The following GRID1 variants were observed in gnomAD, a reference collection of about 807,000 sequenced individuals.
GRID1 encodes glutamate receptor ionotropic, delta-1.
GRID1 carries 28 observed loss-of-function variants against 98.0 expected under a neutral mutation model. That is an observed-to-expected ratio of 0.29 (90% CI 0.21 to 0.39). The LOEUF is 0.39. GRID1 is among the 10% of genes least tolerant of loss of function. The pLI, the probability that GRID1 is intolerant of heterozygous loss-of-function variation, is 1.00. For synonymous variants in GRID1, 553 were observed against 538.5 expected (o/e 1.03, Z -0.37); for missense variants, 1,111 against 1,340.5 (o/e 0.83, Z 2.67).
chr10:86,288,863 C>T (rs1455823506), intron 2 of GRID1, among the ~76,000 whole-genome samples: 1 of 152,228 alleles, frequency 6.6e-6, no homozygotes, highest in Non-Finnish European at 1.5e-5. Flanking sequence ...AGACACCCCA[C>T]ACAAGCATGG....
intron 2 of GRID1, among the ~76,000 whole-genome samples, chr10:86,239,641 A>C (rs1846596274): frequency 6.6e-6 from 1 of 152,208 alleles, no homozygotes; most frequent in African/African-American, 2.4e-5. Flanking sequence ...TGCAATAGTG[A>C]GTGAGTTCTC....
In GRID1 at chr10:85,916,129, T is replaced by C; in HGVS notation, c.780+57A>G. ...AACTGAAAAGAATCACACTGAGCTT[T>C]ACAAGGGGCTAGGGGCTCAGTCCAG... On this transcript the variant is annotated intron_variant, in intron 5 of 15. Transcript: ENST00000327946. The surrounding 1 kb of genome is among the most constrained non-coding windows in gnomAD (Gnocchi z 4.0). 1.6e-6 allele frequency: 2 copies of C among 1,287,074 alleles called. No homozygotes were observed. The highest frequency in any genetic ancestry group is 2.3e-5 in the East Asian group (1 of 43,378). 79.7% of individuals were successfully genotyped at this position (1,287,074 alleles called of 1,614,324 possible). A position where few individuals can be genotyped will look rare whatever the true frequency, so the allele number is the denominator to read the frequency against.
intron 15 of GRID1, among the ~76,000 whole-genome samples, chr10:85,611,531 T>A (rs1842732827): frequency 6.6e-6 from 1 of 152,184 alleles, no homozygotes; most frequent in South Asian, 2.1e-4. Context: ...GGAAACCAGG[T>A]TGAAGACTTA....
intron 8 of GRID1, among the ~76,000 whole-genome samples, chr10:85,772,114 C>G (rs1842275880): frequency 1.3e-5 from 2 of 152,146 alleles, no homozygotes; most frequent in Non-Finnish European, 1.5e-5. Flanking sequence ...GAAATCATAA[C>G]AAACTGTCTC....
intron 12 of GRID1, among the ~76,000 whole-genome samples, chr10:85,694,269 T>C (rs1290752767): frequency 6.6e-6 from 1 of 151,936 alleles, no homozygotes; most frequent in South Asian, 2.1e-4. Context: ...AAATGACAAA[T>C]GTAACATGTT....
chr10:85,668,136 C>T (rs983344393), intron 12 of GRID1, among the ~76,000 whole-genome samples: 2 of 152,238 alleles, frequency 1.3e-5, no homozygotes, highest in Non-Finnish European at 1.5e-5. Context: ...CTGTCAGACA[C>T]AGGAGACTGG....
intron 12 of GRID1, among the ~76,000 whole-genome samples, chr10:85,678,961 T>C (rs1841175735): frequency 6.6e-6 from 1 of 152,196 alleles, no homozygotes; most frequent in African/African-American, 2.4e-5. Context: ...CTGCTTAACA[T>C]GCATTATTAT....
In GRID1 at chr10:86,337,698, C is replaced by CTTTTTT. The variant is rs57891044; in HGVS notation, c.235+26237_235+26242dup. Among the ~76,000 whole-genome samples, 65 of 73,284 alleles carry CTTTTTT rather than the reference C, an allele frequency of 8.9e-4. 11 individuals carry two copies. Among genetic ancestry groups the CTTTTTT allele is most frequent in the African/African-American group, 3.2e-3 (55 of 17,160 alleles). The allele number at this position is 73,284 out of a possible 152,430, so 48.1% of individuals were successfully genotyped here. A position where few individuals can be genotyped will look rare whatever the true frequency, so the allele number is the denominator to read the frequency against. On this transcript the variant is annotated intron_variant, in intron 2 of 15. Transcript: ENST00000327946. ...ACAGCCTTTCTCTTCCCTTTGGGAA[C>CTTTTTT]TTTTTTTTTTTTTTTTTTTTTTTTT...
At chr10:86,126,449 C>T (rs972905754) in intron 4 of GRID1, among the ~76,000 whole-genome samples, 4 of 150,910 alleles carry the variant, frequency 2.7e-5, no homozygotes, top group Admixed American at 6.6e-5. Flanking sequence ...AGTGAGACTC[C>T]GTCTCAAAAA....
chr10:86,242,059 G>A (rs1311950056), intron 2 of GRID1, among the ~76,000 whole-genome samples: 3 of 152,238 alleles, frequency 2.0e-5, no homozygotes, highest in African/African-American at 7.2e-5. Flanking sequence ...CAATTACACA[G>A]ATTTTTGTTG....
chr10:85,685,982 T>C (rs781714516), intron 12 of GRID1, among the ~76,000 whole-genome samples: 2 of 152,082 alleles, frequency 1.3e-5, no homozygotes, highest in Admixed American at 6.6e-5. Context: ...ACTATGTTCA[T>C]GAATAGAAAA....
chr10:85,944,945 T>C (rs985271183), intron 4 of GRID1, among the ~76,000 whole-genome samples: 3 of 152,242 alleles, frequency 2.0e-5, no homozygotes, highest in African/African-American at 7.2e-5. Flanking sequence ...GTTTTCATTT[T>C]ACTAATTTCT....
At position 86,262,488 on chromosome 10, in the gene GRID1, A is replaced by T. The variant is rs551278212; in HGVS notation, c.236-55840T>A. ...CCGGACAGCAGCCTCCTGGGTCCCC[A>T]CACCCCACCACACCATCTTGGGCAT... On this transcript the variant is annotated intron_variant, in intron 2 of 15. Transcript: ENST00000327946. 1.1e-4 allele frequency among the ~76,000 whole-genome samples: 17 copies of T among 152,202 alleles called. No individual in the cohort carries two copies. In the South Asian group the frequency reaches 3.5e-3, roughly 32 times the overall value.
At position 86,095,509 on chromosome 10, in the gene GRID1, GA is replaced by G. The variant is rs1191253281; in HGVS notation, c.726+43309del. 8.7e-5 allele frequency among the ~76,000 whole-genome samples: 13 copies of G among 149,844 alleles called. No homozygotes were observed. In the East Asian group the frequency reaches 1.4e-3, roughly 16 times the overall value. ...ACAACAAACTCAAACAAATCAGTAA[GA>G]AAAAAAAATGAACAATCCCATCAAA... On this transcript the variant is annotated intron_variant, in intron 4 of 15. Coordinates refer to ENST00000327946, the MANE Select transcript of GRID1 (RefSeq NM_017551.3).
intron 4 of GRID1, among the ~76,000 whole-genome samples, chr10:85,972,330 A>T (rs1842418971): frequency 6.6e-6 from 1 of 151,538 alleles, no homozygotes; most frequent in Non-Finnish European, 1.5e-5. Flanking sequence ...GAAAAATGAA[A>T]CAACCCTAAT....
At position 86,366,235 on chromosome 10, in the gene GRID1, C is replaced by T; in HGVS notation, c.79+79G>A. The T allele has an allele frequency of 9.5e-7, 1 of 1,050,874 alleles. No homozygotes were observed. Among genetic ancestry groups the T allele is most frequent in the Non-Finnish European group, 1.3e-6 (1 of 754,278 alleles). 65.1% of individuals were successfully genotyped at this position (1,050,874 alleles called of 1,614,324 possible). ...CGCCGAGCCCCTCGGCCCAGGGAAA[C>T]GCCAAGTTTGGACGCCGCGCACCCC... On this transcript the variant is annotated intron_variant, in intron 1 of 15. Transcript: ENST00000327946. This position sits in a 1 kb window ranked among gnomAD's most constrained non-coding sequence, Gnocchi z 4.1.
intron 12 of GRID1, among the ~76,000 whole-genome samples, chr10:85,689,036 T>C (rs1457568291): frequency 6.6e-6 from 1 of 152,220 alleles, no homozygotes; most frequent in African/African-American, 2.4e-5. Context: ...CCCGTTGATA[T>C]CATTTAGAAT....
At chr10:85,729,720 G>T in intron 8 of GRID1, 106 bp from the exon 9 acceptor site, 1 of 657,288 alleles carries the variant, frequency 1.5e-6, no homozygotes. Flanking sequence ...TAGGTGAACA[G>T]TAGTCCCCTG....
intron 8 of GRID1, among the ~76,000 whole-genome samples, chr10:85,780,545 G>C (rs1590228933): frequency 6.6e-6 from 1 of 152,318 alleles, no homozygotes; most frequent in African/African-American, 2.4e-5. Context: ...CTAGGATGTG[G>C]ATGATAATCC....
Sources: gnomAD v4.1 joint callset for allele counts (sites outside exome capture counted in the v4.1 genomes callset) on GRCh38, gnomAD v4.1.1 for gene constraint, Gnocchi (gnomAD v3.1) non-coding constraint, MANE v1.5 for transcripts, NCBI Gene and HGNC (gene_info 2026-07-23, HGNC 2026-07-21) for gene names.